Variants in ACACB observed in about 807,000 individuals in gnomAD.
ACACB encodes acetyl-CoA carboxylase beta.
A neutral mutation model predicts 278.8 loss-of-function variants in ACACB; 209 were observed. The ratio of observed to expected loss-of-function variants is 0.75; its 90% CI spans 0.67 to 0.84. The LOEUF (loss-of-function observed/expected upper bound fraction) is 0.84. Among genes scored for constraint, ACACB ranks in the 40% least tolerant of loss-of-function variants. ACACB has a pLI of 0.00. For missense variants in ACACB, 2,850 were observed against 3,269.0 expected (o/e 0.87, Z 3.13); for synonymous variants, 1,174 against 1,285.6 (o/e 0.91, Z 1.86).
At chr12:109,195,795 G>T (rs1439110127) in intron 16 of ACACB, among the ~76,000 whole-genome samples, 1 of 152,030 alleles carries the variant, frequency 6.6e-6, no homozygotes, top group Non-Finnish European at 1.5e-5. Context: ...ATAGTGATGG[G>T]AACATTCCCT....
rs112899240 is a variant in ACACB at position 109,255,095 on chromosome 12, TACAC to T, written c.6166+780_6166+783del. ...TGGCCAATTTTACCTCTTCTATACCTACACACACACACACACACACACGCACGTG... is the reference window on the plus strand; with the variant it reads ...TGGCCAATTTTACCTCTTCTATACCTACACACACACACACACACGCACGTG... On this transcript the variant is annotated intron_variant, in intron 44 of 52. Transcript: ENST00000338432. Among the ~76,000 whole-genome samples the T allele has an allele frequency of 1.6e-3, 243 of 149,232 alleles. 1 individual carries two copies. The highest frequency in any genetic ancestry group is 4.5e-3 in the African/African-American group (184 of 40,844).
intron 12 of ACACB, among the ~76,000 whole-genome samples, chr12:109,187,054 A>T (rs1332928039): frequency 7.0e-6 from 1 of 142,318 alleles, no homozygotes; most frequent in Admixed American, 7.1e-5. Flanking sequence ...CGATGGGGTG[A>T]GGAAAAGGGG....
chr12:109,237,420 G>T, intron 34 of ACACB, 40 bp downstream of exon 34: 1 of 1,562,410 alleles, frequency 6.4e-7, no homozygotes, highest in South Asian at 1.2e-5. Flanking sequence ...CTCAGAACCT[G>T]GCCCTCCCTT....
chr12:109,151,006 T>G (rs956815063), intron 2 of ACACB, among the ~76,000 whole-genome samples: 2 of 144,796 alleles, frequency 1.4e-5, no homozygotes, highest in Non-Finnish European at 3.0e-5. Flanking sequence ...TGAGACGGAG[T>G]CTCGCTCTGT....
intron 22 of ACACB, among the ~76,000 whole-genome samples, chr12:109,213,803 T>C (rs899314841): frequency 6.6e-6 from 1 of 151,914 alleles, no homozygotes; most frequent in East Asian, 2.0e-4. Flanking sequence ...AGTTTCATCA[T>C]GTTAGCCAGG....
Position 109,183,665 on chromosome 12 carries a change from G to A in ACACB, c.1819-1914G>A, listed in dbSNP as rs980927876. 9.2e-5 allele frequency among the ~76,000 whole-genome samples: 14 copies of A among 151,966 alleles called. No individual in the cohort carries two copies. The East Asian group carries it at 1.5e-3, about 17-fold the overall frequency. On this transcript the variant is annotated intron_variant, in intron 11 of 52. Transcript: ENST00000338432. The stretch of plus-strand genomic sequence containing the variant: ...GTAGATTTACTGAATTTGTCAATTC[G>A]AATTGTTTTTTTGGTGGATTCTTTA...
At chr12:109,201,198 A>T (rs2045320042) in intron 18 of ACACB, among the ~76,000 whole-genome samples, 1 of 152,210 alleles carries the variant, frequency 6.6e-6, no homozygotes, top group South Asian at 2.1e-4. Context: ...TGTTCACAAA[A>T]TGTTTGATTT....
At chr12:109,114,304 T>C (rs2042362148), upstream of ACACB, among the ~76,000 whole-genome samples, 1 of 152,126 alleles carries the variant, frequency 6.6e-6, no homozygotes, top group Admixed American at 6.6e-5. Context: ...TATAGCATGT[T>C]CTTTTGTCTC....
In ACACB at chr12:109,179,180, T is replaced by C. The variant is rs373308420; in HGVS notation, c.1530T>C (p.Tyr510=). 3 of 1,613,986 alleles carry C rather than the reference T, an allele frequency of 1.9e-6. No homozygotes were observed. The highest frequency in any genetic ancestry group is 2.5e-6 in the Non-Finnish European group (3 of 1,180,034). ...AAGTTCAGATCCTCGCTGACCAGTA[T>C]GGGAATGCTGTGTCTCTGTTTGGTC... ...HLEVQILADQ[Y]GNAVSLFGRD... The change falls in exon 10 of 53, where the codon TAT becomes TAC. Residue 510 remains tyrosine (Y), a synonymous_variant. Transcript: ENST00000338432.
rs905534583 is a variant in ACACB at position 109,245,840 on chromosome 12, G to T, written c.5301+92G>T. On this transcript the variant is annotated intron_variant, in intron 38 of 52. Transcript: ENST00000338432. ...GCAGTAGCTCACACCTGTAATCCCA[G>T]TGCTTTGGGAGGCCAAGGTGGGTGG... 4.7e-6 allele frequency: 7 copies of T among 1,500,158 alleles called. No individual in the cohort carries two copies. The African/African-American group carries it at 9.7e-5, about 21-fold the overall frequency. 92.9% of individuals were successfully genotyped at this position (1,500,158 alleles called of 1,614,324 possible). A position where few individuals can be genotyped will look rare whatever the true frequency, so the allele number is the denominator to read the frequency against.
At chr12:109,157,653 A>G (rs1593426040) in intron 2 of ACACB, among the ~76,000 whole-genome samples, 1 of 152,314 alleles carries the variant, frequency 6.6e-6, no homozygotes, top group South Asian at 2.1e-4. Context: ...GATGAAAACT[A>G]ATAAGTAAAG....
chr12:109,227,604 C>A, intron 28 of ACACB, 115 bp downstream of exon 28: 2 of 930,798 alleles, frequency 2.1e-6, no homozygotes, highest in Non-Finnish European at 3.3e-6. Context: ...GGGGAGACAT[C>A]AGCGATAAGC....
chr12:109,222,663 C>G (rs376282645), intron 25 of ACACB, 43 bp downstream of exon 25: 27 of 1,568,968 alleles, frequency 1.7e-5, no homozygotes, highest in East Asian at 1.6e-4. Flanking sequence ...CGTTTCCCCC[C>G]ACCCTCCTAT....
Position 109,246,906 on chromosome 12 carries a change from G to A in ACACB, c.5571+458G>A, listed in dbSNP as rs149146266. 4.2e-3 allele frequency among the ~76,000 whole-genome samples: 637 copies of A among 152,218 alleles called. 3 individuals are homozygous for A. Among genetic ancestry groups the A allele is most frequent in the Non-Finnish European group, 6.4e-3 (432 of 68,020 alleles). The stretch of plus-strand genomic sequence containing the variant: ...AACCTAGGCAGCATAGCCAGACTTC[G>A]TCTCTACTAATGAAAAAACTAGGTG... On this transcript the variant is annotated intron_variant, in intron 39 of 52. Coordinates refer to ENST00000338432, the MANE Select transcript of ACACB (RefSeq NM_001093.4).
rs1358924998 is a variant in ACACB, at chr12:109,171,918, G to A, written c.1035+4G>A. 1.2e-6 allele frequency: 2 copies of A among 1,611,926 alleles called. No homozygotes were observed. Among genetic ancestry groups the A allele is most frequent in the African/African-American group, 1.3e-5 (1 of 74,880 alleles). ...TGCCAAGAGAATCCCCGTGCAGGTA[G>A]ATGGACTGGGGTGCCCAAGTGTGGC... On this transcript the variant is annotated splice_donor_region_variant and intron_variant, in intron 5 of 52. Coordinates refer to ENST00000338432, the MANE Select transcript of ACACB (RefSeq NM_001093.4).
intron 39 of ACACB, 94 bp from the exon 40 acceptor site, chr12:109,247,512 C>T: frequency 1.2e-6 from 1 of 818,588 alleles, no homozygotes; most frequent in African/African-American, 1.7e-5. Flanking sequence ...ATGTTATTAA[C>T]ATCCATCCCT....
At chr12:109,211,342 CTTTTTTTTTTTT>C (rs35008047) in intron 21 of ACACB, among the ~76,000 whole-genome samples, 45 of 109,958 alleles carry the variant, frequency 4.1e-4, no homozygotes, top group African/African-American at 1.6e-3. Flanking sequence ...TGTGATTCCT[CTTTTTTTTTTTT>C]TTTTTTTTTT....
intron 45 of ACACB, among the ~76,000 whole-genome samples, chr12:109,256,620 A>G (rs1235121952): frequency 6.6e-6 from 1 of 152,222 alleles, no homozygotes; most frequent in Non-Finnish European, 1.5e-5. Flanking sequence ...CAATGCTTGC[A>G]TGCTTTCCAA....
intron 2 of ACACB, among the ~76,000 whole-genome samples, chr12:109,151,342 G>A (rs1243211412): frequency 2.0e-5 from 3 of 152,030 alleles, no homozygotes; most frequent in African/African-American, 7.2e-5. Flanking sequence ...AGTTGTTCTT[G>A]TATTAAGTTA....
Sources: allele counts gnomAD v4.1 joint callset (sites outside exome capture counted in the v4.1 genomes callset), GRCh38; gene constraint gnomAD v4.1.1; transcripts MANE v1.5; gene names NCBI Gene and HGNC (gene_info 2026-07-23, HGNC 2026-07-21).